The following CES1 variants were observed in gnomAD, a reference collection of about 807,000 sequenced individuals.
CES1 encodes the protein liver carboxylesterase 1.
In CES1, 50 loss-of-function variants were observed where a neutral mutation model predicts 53.0. That is an observed-to-expected ratio of 0.94 (90% CI 0.75 to 1.19). The LOEUF is 1.19. Ranked by LOEUF, CES1 falls within the 50% of genes most tolerant of loss-of-function variation. CES1 has a pLI of 0.00. For synonymous variants in CES1, 202 were observed against 210.1 expected (o/e 0.96, Z 0.33); for missense variants, 534 against 538.0 (o/e 0.99, Z 0.07).
intron 1 of CES1, among the ~76,000 whole-genome samples, chr16:55,832,031 A>T (rs2032703229): frequency 2.6e-5 from 4 of 152,114 alleles, no homozygotes. Flanking sequence ...CAGAGCCCAC[A>T]CCCCAACTGC....
chr16:55,811,937 T>C (rs1191159096), intron 9 of CES1, among the ~76,000 whole-genome samples: 2 of 152,150 alleles, frequency 1.3e-5, no homozygotes, highest in African/African-American at 4.8e-5. Context: ...GTCCTAAAGA[T>C]AAGAGGAGTT....
intron 1 of CES1, among the ~76,000 whole-genome samples, chr16:55,830,183 T>C (rs2032581625): frequency 6.6e-6 from 1 of 152,238 alleles, no homozygotes; most frequent in Non-Finnish European, 1.5e-5. Flanking sequence ...TGGAAACCCA[T>C]TATGGAAAGC....
At chr16:55,827,488 G>A (rs2032464681) in intron 2 of CES1, among the ~76,000 whole-genome samples, 2 of 152,016 alleles carry the variant, frequency 1.3e-5, no homozygotes, top group South Asian at 2.1e-4. Flanking sequence ...ATACGTCAAT[G>A]GGAGGAGTGT....
chr16:55,820,151 C>T, intron 6 of CES1: 2 of 576,778 alleles, frequency 3.5e-6, no homozygotes, highest in East Asian at 3.0e-5. Flanking sequence ...ACCTGCTGCC[C>T]TTGGCAAATC....
chr16:55,830,464 A>G (rs2032593051), intron 1 of CES1, among the ~76,000 whole-genome samples: 1 of 152,192 alleles, frequency 6.6e-6, no homozygotes, highest in Non-Finnish European at 1.5e-5. Flanking sequence ...TTTTAAATAA[A>G]AAAAGAAAAA....
At chr16:55,826,580 T>G (rs1293033703) in intron 2 of CES1, among the ~76,000 whole-genome samples, 2 of 152,114 alleles carry the variant, frequency 1.3e-5, no homozygotes, top group Non-Finnish European at 2.9e-5. Context: ...AATACACTGA[T>G]CCTCCCTGGG....
At chr16:55,810,779 AG>A in intron 10 of CES1, 115 bp from the exon 11 acceptor site, 8 of 1,456,582 alleles carry the variant, frequency 5.5e-6, no homozygotes, top group Non-Finnish European at 6.8e-6. Context: ...ACTCCCCGCT[AG>A]GGTGGAAAAT....
intron 3 of CES1, among the ~76,000 whole-genome samples, chr16:55,825,211 T>TG (rs2032370924): frequency 6.7e-6 from 1 of 149,656 alleles, no homozygotes; most frequent in African/African-American, 2.6e-5. Context: ...AATGAATGAA[T>TG]GAGTAAACCT....
chr16:55,829,861 GC>G (rs2032571477), intron 1 of CES1, among the ~76,000 whole-genome samples: 4 of 152,214 alleles, frequency 2.6e-5, no homozygotes, highest in African/African-American at 9.7e-5. Flanking sequence ...TCCTCACTGA[GC>G]TGAAATTCAT....
intron 10 of CES1, 36 bp downstream of exon 10, chr16:55,810,891 G>C (rs74019272): frequency 1.3e-6 from 2 of 1,576,048 alleles, no homozygotes; most frequent in African/African-American, 2.7e-5. Context: ...TCCCTCTCTG[G>C]GTCTCAGCCA....
intron 8 of CES1, among the ~76,000 whole-genome samples, chr16:55,815,224 G>T (rs1185786579): frequency 1.3e-5 from 2 of 152,208 alleles, no homozygotes; most frequent in African/African-American, 2.4e-5. Context: ...CCTACCTTCT[G>T]CACAGTCTGG....
In CES1 at chr16:55,819,556, G is replaced by C. The variant is rs756354085; in HGVS notation, c.885C>G (p.Leu295=). Residue 295 remains leucine (L), a synonymous_variant, in exon 7 of 14, where the codon CTC becomes CTG. Transcript: ENST00000360526. ...CTACCATTTTCAATGTCGTCTCCAA[G>C]AGCTCCTCTTCCGTCTTCTGTCGCA... ...HCLRQKTEEE[L]LETTLKMKFL... is the part of the protein sequence containing the mutation. The C allele has an allele frequency of 1.9e-6, 3 of 1,613,996 alleles. No individual in the cohort carries two copies. Among genetic ancestry groups the C allele is most frequent in the South Asian group, 2.2e-5 (2 of 91,080 alleles).
chr16:55,829,616 G>A (rs1348143519), intron 1 of CES1, among the ~76,000 whole-genome samples: 1 of 152,238 alleles, frequency 6.6e-6, no homozygotes, highest in African/African-American at 2.4e-5. Flanking sequence ...CCTGCCTGGG[G>A]AAGGGGGCAT....
chr16:55,821,741 G>T (rs1457318176), intron 4 of CES1, among the ~76,000 whole-genome samples: 4 of 152,180 alleles, frequency 2.6e-5, no homozygotes, highest in Non-Finnish European at 4.4e-5. Context: ...TATGCCTGAC[G>T]CTGTCTTATG....
intron 2 of CES1, chr16:55,828,205 C>CA: frequency 5.2e-6 from 1 of 190,954 alleles, no homozygotes; most frequent in South Asian, 1.0e-4. Flanking sequence ...TTCTTCCCAG[C>CA]TTGGCCAGGG....
chr16:55,820,932 ATG>A (rs2032158096), intron 5 of CES1, among the ~76,000 whole-genome samples: 1 of 152,080 alleles, frequency 6.6e-6, no homozygotes, highest in African/African-American at 2.4e-5. Context: ...TCCCCTCCAC[ATG>A]TAGGTCTGGT....
intron 3 of CES1, among the ~76,000 whole-genome samples, chr16:55,825,690 G>A (rs1338445037): frequency 6.6e-6 from 1 of 152,218 alleles, no homozygotes. Context: ...GCACTGATGT[G>A]AAGATCAGAA....
At chr16:55,824,863 C>A (rs1367778207) in intron 3 of CES1, among the ~76,000 whole-genome samples, 4 of 152,202 alleles carry the variant, frequency 2.6e-5, no homozygotes, top group African/African-American at 9.7e-5. Context: ...GGATTTAAAC[C>A]CAGACCGTGT....
At chr16:55,829,889 A>G (rs1255477407) in intron 1 of CES1, among the ~76,000 whole-genome samples, 1 of 152,222 alleles carries the variant, frequency 6.6e-6, no homozygotes, top group Non-Finnish European at 1.5e-5. Flanking sequence ...CAGCCTCCGC[A>G]TCAGTTCTGG....
Sources: gnomAD v4.1 joint callset for allele counts (sites outside exome capture counted in the v4.1 genomes callset) on GRCh38, gnomAD v4.1.1 for gene constraint, MANE v1.5 for transcripts, NCBI Gene and HGNC (gene_info 2026-07-23, HGNC 2026-07-21) for gene names.